The following SPAG16 variants were observed in gnomAD, a reference collection of about 807,000 sequenced individuals.
SPAG16 encodes sperm associated antigen 16.
A neutral mutation model predicts 80.4 loss-of-function variants in SPAG16; 86 were observed. That is an observed-to-expected ratio of 1.07 (90% CI 0.90 to 1.28). The LOEUF (loss-of-function observed/expected upper bound fraction) is 1.28, where lower values mean the gene tolerates loss of function less well. SPAG16 is among the 50% of genes most tolerant of loss of function. The pLI, the probability that SPAG16 is intolerant of heterozygous loss-of-function variation, is 0.00. For missense variants in SPAG16, 870 were observed against 765.3 expected (o/e 1.14, Z -1.61); for synonymous variants, 294 against 265.9 (o/e 1.11, Z -1.03).
intron 9 of SPAG16, among the ~76,000 whole-genome samples, chr2:213,396,000 G>T (rs2068014060): frequency 6.6e-6 from 1 of 150,446 alleles, no homozygotes; most frequent in Admixed American, 6.7e-5. Flanking sequence ...TAGTTTCCAT[G>T]CATACATGAG....
chr2:214,370,517 A>G (rs765272436), intron 15 of SPAG16, among the ~76,000 whole-genome samples: 1 of 152,204 alleles, frequency 6.6e-6, no homozygotes, highest in Non-Finnish European at 1.5e-5. Context: ...TTGTTAAGTT[A>G]TTACCACAAT....
At chr2:213,437,499 C>A (rs1023799732) in intron 9 of SPAG16, among the ~76,000 whole-genome samples, 1 of 152,096 alleles carries the variant, frequency 6.6e-6, no homozygotes, top group Non-Finnish European at 1.5e-5. Flanking sequence ...CTAAAAAAAT[C>A]TTTTGCCTCT....
intron 10 of SPAG16, among the ~76,000 whole-genome samples, chr2:213,504,055 G>C (rs1266171212): frequency 6.6e-6 from 1 of 152,194 alleles, no homozygotes; most frequent in East Asian, 1.9e-4. Flanking sequence ...GCTATCTTGT[G>C]AGTTATTGCT....
At chr2:214,008,837 G>A (rs1489592808) in intron 12 of SPAG16, among the ~76,000 whole-genome samples, 1 of 152,106 alleles carries the variant, frequency 6.6e-6, no homozygotes, top group East Asian at 1.9e-4. Context: ...ATTGAGTTCT[G>A]TTGTAAGGAG....
chr2:213,839,039 G>A (rs1266955622), intron 10 of SPAG16, among the ~76,000 whole-genome samples: 1 of 152,112 alleles, frequency 6.6e-6, no homozygotes, highest in Non-Finnish European at 1.5e-5. Context: ...TCCAAGGTTT[G>A]TCATAGAAAA....
At chr2:214,240,957 A>G (rs551815252) in intron 15 of SPAG16, 1 of 152,314 alleles carries the variant, frequency 6.6e-6, no homozygotes. Flanking sequence ...TAGAAATTAT[A>G]TCTACAGTCT....
At chr2:213,613,572 T>G (rs2061503638) in intron 10 of SPAG16, among the ~76,000 whole-genome samples, 1 of 152,224 alleles carries the variant, frequency 6.6e-6, no homozygotes, top group Non-Finnish European at 1.5e-5. Context: ...TGTTCATATG[T>G]TAGTTTCTTA....
chr2:214,244,167 T>C (rs1342317554), intron 15 of SPAG16, among the ~76,000 whole-genome samples: 1 of 151,902 alleles, frequency 6.6e-6, no homozygotes, highest in African/African-American at 2.4e-5. Context: ...TACTGAAAAA[T>C]ATTTAAATTG....
At chr2:213,890,520 C>G (rs1161176065) in intron 11 of SPAG16, among the ~76,000 whole-genome samples, 1 of 151,830 alleles carries the variant, frequency 6.6e-6, no homozygotes, top group Non-Finnish European at 1.5e-5. Context: ...CCATTGTTTG[C>G]TTTCTTATTT....
chr2:213,407,893 GAGAC>G (rs138394422), intron 9 of SPAG16, among the ~76,000 whole-genome samples: 26,159 of 113,214 alleles, frequency 0.23, 4,723 homozygotes, highest in Middle Eastern at 0.43. Flanking sequence ...CAGAGAGAGA[GAGAC>G]AGGAGAGAGG....
At chr2:213,479,609 A>G (rs2073642902) in intron 9 of SPAG16, among the ~76,000 whole-genome samples, 2 of 152,234 alleles carry the variant, frequency 1.3e-5, no homozygotes, top group African/African-American at 4.8e-5. Context: ...ATCTGTTAAC[A>G]TTGGGCTTAC....
chr2:213,882,853 CTTTGTTTTTGTTTTTCTT>C (rs1559550169), intron 11 of SPAG16, among the ~76,000 whole-genome samples: 8 of 151,604 alleles, frequency 5.3e-5, no homozygotes, highest in South Asian at 4.2e-4. Context: ...TTGGTTGTTT[CTTTGTTTTTGTTTTTCTT>C]TTTGTTTTTG....
chr2:213,678,609 T>A (rs1210398221), intron 10 of SPAG16, among the ~76,000 whole-genome samples: 2 of 152,164 alleles, frequency 1.3e-5, no homozygotes, highest in African/African-American at 2.4e-5. Flanking sequence ...TTGTTTACTC[T>A]GCAACTCCCT....
chr2:213,929,916 T>C, intron 11 of SPAG16, 44 bp from the exon 12 acceptor site: 2 of 1,549,414 alleles, frequency 1.3e-6, no homozygotes, highest in Non-Finnish European at 8.8e-7. Context: ...ATAAAAATTA[T>C]GTTACTTTTT....
chr2:214,167,492 A>G (rs940644595), intron 15 of SPAG16, among the ~76,000 whole-genome samples: 1 of 152,078 alleles, frequency 6.6e-6, no homozygotes, highest in Non-Finnish European at 1.5e-5. Flanking sequence ...TGTTCTCCCT[A>G]TAAATCCTGT....
intron 15 of SPAG16, among the ~76,000 whole-genome samples, chr2:214,236,672 TTTTGAA>T (rs1689105371): frequency 6.6e-6 from 1 of 151,964 alleles, no homozygotes; most frequent in Admixed American, 6.6e-5. Context: ...AAAGATACAA[TTTTGAA>T]TTCACTGCCT....
chr2:214,016,436 C>T (rs1165312862), intron 13 of SPAG16, among the ~76,000 whole-genome samples: 2 of 152,170 alleles, frequency 1.3e-5, no homozygotes, highest in African/African-American at 4.8e-5. Flanking sequence ...CACCAGGTCC[C>T]TCCCATGACA....
chr2:213,970,830 A>G lies in SPAG16; in HGVS notation c.1400+40685A>G, dbSNP rs2045006632. Among the ~76,000 whole-genome samples, 3 of 152,248 alleles carry G rather than the reference A, an allele frequency of 2.0e-5. No individual in the cohort carries two copies. The South Asian group carries it at 6.2e-4, about 31-fold the overall frequency. ...AATGTATGGAGTGAATATTTGGCAG[A>G]GTACATTTACTTATTTAGTTTACAT... On this transcript the variant is annotated intron_variant, in intron 12 of 15. Coordinates refer to ENST00000331683, the MANE Select transcript of SPAG16 (RefSeq NM_024532.5).
chr2:214,083,817 C>T (rs2051543237), intron 13 of SPAG16, among the ~76,000 whole-genome samples: 1 of 152,046 alleles, frequency 6.6e-6, no homozygotes, highest in African/African-American at 2.4e-5. Flanking sequence ...TAGGTAGTTG[C>T]TGTATCTTAT....
Sources: gnomAD v4.1 joint callset for allele counts (sites outside exome capture counted in the v4.1 genomes callset) on GRCh38, gnomAD v4.1.1 for gene constraint, MANE v1.5 for transcripts, NCBI Gene and HGNC (gene_info 2026-07-23, HGNC 2026-07-21) for gene names.